AGBL4: variants seen among roughly 807,000 people sequenced by gnomAD.
AGBL4 encodes the protein cytosolic carboxypeptidase 6.
Under a neutral mutation model 66.4 loss-of-function variants are expected in AGBL4, and 58 were observed. The observed-to-expected ratio is 0.87, with a 90% CI of 0.71 to 1.09. The LOEUF is 1.09. Ranked by LOEUF, AGBL4 falls within the 50% of genes least tolerant of loss-of-function variation. The probability of loss-of-function intolerance (pLI) is 0.00; values close to 1 mark genes in which losing one functional copy is unlikely to be tolerated. For missense variants in AGBL4, 579 were observed against 631.0 expected, an observed-to-expected ratio of 0.92 and a Z score of 0.88; for synonymous variants, 234 against 222.9, an observed-to-expected ratio of 1.05 and a Z score of -0.44.
chr1:49,964,795 A>T (rs1242068250), intron 1 of AGBL4, among the ~76,000 whole-genome samples: 1 of 152,164 alleles, frequency 6.6e-6, no homozygotes, highest in Non-Finnish European at 1.5e-5. Context: ...AAAAAGTCCA[A>T]ACATTCAAAA....
intron 5 of AGBL4, among the ~76,000 whole-genome samples, chr1:48,880,939 T>C (rs1409176573): frequency 6.6e-6 from 1 of 152,252 alleles, no homozygotes. Flanking sequence ...TTAATTACTT[T>C]ATAATGTTCC....
chr1:48,557,713 C>T (rs1225249558), intron 11 of AGBL4, among the ~76,000 whole-genome samples: 1 of 152,220 alleles, frequency 6.6e-6, no homozygotes, highest in Admixed American at 6.5e-5. Context: ...AATTGAGTAA[C>T]ATTGGTCTGG....
At chr1:49,040,143 C>T (rs1019927228) in intron 5 of AGBL4, among the ~76,000 whole-genome samples, 38 of 151,858 alleles carry the variant, frequency 2.5e-4, no homozygotes, top group African/African-American at 8.9e-4. Context: ...TTATGAGAAC[C>T]CAGTTTTAAA....
intron 5 of AGBL4, among the ~76,000 whole-genome samples, chr1:48,873,099 C>A (rs1648854615): frequency 2.0e-5 from 3 of 152,148 alleles, no homozygotes; most frequent in African/African-American, 7.2e-5. Context: ...CTGGAGTGAG[C>A]TTTCTAGAAT....
chr1:48,536,840 GC>G (rs1467965172), intron 12 of AGBL4, among the ~76,000 whole-genome samples: 1 of 152,178 alleles, frequency 6.6e-6, no homozygotes, highest in Non-Finnish European at 1.5e-5. Context: ...ACCACTGTGT[GC>G]TAAACAAAAT....
intron 2 of AGBL4, among the ~76,000 whole-genome samples, chr1:49,818,233 G>A (rs945823783): frequency 2.0e-5 from 3 of 152,080 alleles, no homozygotes; most frequent in African/African-American, 7.2e-5. Context: ...CCATTAAGGA[G>A]CCTCAATAAA....
intron 11 of AGBL4, among the ~76,000 whole-genome samples, chr1:48,541,653 C>T (rs920152278): frequency 6.6e-6 from 1 of 152,130 alleles, no homozygotes; most frequent in African/African-American, 2.4e-5. Flanking sequence ...CCTGTAATCC[C>T]AGCTACTGGG....
At chr1:48,951,206 G>A (rs1656957417) in intron 5 of AGBL4, among the ~76,000 whole-genome samples, 1 of 152,114 alleles carries the variant, frequency 6.6e-6, no homozygotes, top group African/African-American at 2.4e-5. Flanking sequence ...GGACTGGCAT[G>A]GTCAGCAAAA....
intron 4 of AGBL4, among the ~76,000 whole-genome samples, chr1:49,170,343 A>G (rs1038518523): frequency 1.5e-3 from 222 of 143,372 alleles, no homozygotes; most frequent in Non-Finnish European, 2.5e-3. Context: ...ATCATATATT[A>G]TATATTTATA....
At position 49,065,334 on chromosome 1, in the gene AGBL4, G is replaced by C. The variant is rs75116134; in HGVS notation, c.378-19534C>G. On this transcript the variant is annotated intron_variant, in intron 4 of 13. Transcript: ENST00000371839. Reference sequence around the variant, plus strand: ...AAAGAATTAGGGTGATTCCTGAAGAGAGTGGCTTCAAACTGAATTTTGACA... The same window carrying C: ...AAAGAATTAGGGTGATTCCTGAAGACAGTGGCTTCAAACTGAATTTTGACA... Among the ~76,000 whole-genome samples, 460 of 152,330 alleles carry C rather than the reference G, an allele frequency of 3.0e-3. 3 individuals are homozygous for C. Among genetic ancestry groups the C allele is most frequent in the African/African-American group, 0.011 (445 of 41,572 alleles).
At chr1:48,977,398 G>A (rs750415123) in intron 5 of AGBL4, among the ~76,000 whole-genome samples, 2 of 152,122 alleles carry the variant, frequency 1.3e-5, no homozygotes, top group Admixed American at 6.6e-5. Context: ...TTGGGAAACC[G>A]AAAGTTTGGG....
At chr1:49,066,764 A>C (rs1644499588) in intron 4 of AGBL4, among the ~76,000 whole-genome samples, 1 of 152,176 alleles carries the variant, frequency 6.6e-6, no homozygotes, top group South Asian at 2.1e-4. Flanking sequence ...GGAGCAGCAA[A>C]GCCTTAGTTG....
rs186719702 is a variant in AGBL4, at chr1:49,739,422, C to T, written c.158-41985G>A. On this transcript the variant is annotated intron_variant, in intron 2 of 13. Transcript: ENST00000371839. ...GCACTATGTGAAAAGACCAAATCTA[C>T]GTCTGATTGGTGTACCTGAAAGTGA... Among the ~76,000 whole-genome samples, 311 of 152,238 alleles carry T rather than the reference C, an allele frequency of 2.0e-3. 7 individuals carry two copies. In the East Asian group the frequency reaches 0.054, roughly 26 times the overall value.
chr1:49,370,565 T>A (rs1407378353), intron 3 of AGBL4, among the ~76,000 whole-genome samples: 3 of 152,144 alleles, frequency 2.0e-5, no homozygotes, highest in Non-Finnish European at 4.4e-5. Context: ...GAAAATACCT[T>A]CACAGCAACA....
At position 48,539,714 on chromosome 1, in the gene AGBL4, G is replaced by A. The variant is rs1221267720; in HGVS notation, c.1292C>T (p.Ala431Val). Residue 431 changes from alanine (A) to valine (V), a missense_variant, in exon 12 of 14, where the codon GCA becomes GTA. Ala to Val is a moderately conservative substitution (Grantham distance 64). Transcript: ENST00000371839. ...CCGATAATAGTCCAAAAAGGTTCTT[G>A]CCACATTCCGCCCCAGCTTCATATC... is the stretch of plus-strand genomic sequence containing the variant. ...EAYMKLGRNV[A>V]RTFLDYYRLN... The A allele has an allele frequency of 6.5e-7, 1 of 1,542,596 alleles. No homozygotes were observed. The highest frequency in any genetic ancestry group is 1.4e-5 in the African/African-American group (1 of 72,806).
chr1:49,187,324 A>C (rs969162594), intron 4 of AGBL4: 8 of 152,180 alleles, frequency 5.3e-5, no homozygotes, highest in Non-Finnish European at 1.2e-4. Context: ...TCCTTGAGTT[A>C]ATTTCACTGA....
At chr1:49,994,816 C>A in intron 1 of AGBL4, 1 of 304,944 alleles carries the variant, frequency 3.3e-6, no homozygotes, top group Non-Finnish European at 6.4e-6. Context: ...GCTGTAAGTG[C>A]CCAAAGTGCA....
intron 5 of AGBL4, among the ~76,000 whole-genome samples, chr1:48,868,555 A>G (rs1648337365): frequency 6.6e-6 from 1 of 152,204 alleles, no homozygotes; most frequent in Non-Finnish European, 1.5e-5. Flanking sequence ...AGTCCAAAAT[A>G]TGGCAATGAA....
chr1:49,735,296 G>GGTGTGTGT (rs34172664), intron 2 of AGBL4, among the ~76,000 whole-genome samples: 38 of 127,308 alleles, frequency 3.0e-4, no homozygotes, highest in African/African-American at 1.0e-3. Flanking sequence ...GAGGTGTGTG[G>GGTGTGTGT]GTGTGTGTGT....
Sources: gnomAD v4.1 joint callset for allele counts (sites outside exome capture counted in the v4.1 genomes callset) on GRCh38, gnomAD v4.1.1 for gene constraint, MANE v1.5 for transcripts, NCBI Gene and HGNC (gene_info 2026-07-23, HGNC 2026-07-21) for gene names.